EYS: variants seen among roughly 807,000 people sequenced by gnomAD.
The protein encoded by EYS is EGF-like photoreceptor maintenance factor.
EYS carries 250 observed loss-of-function variants against 282.1 expected under a neutral mutation model. The observed-to-expected ratio is 0.89, with a 90% CI of 0.80 to 0.98. The LOEUF is 0.98. EYS is among the 50% of genes least tolerant of loss of function. EYS has a pLI of 0.00. For synonymous variants in EYS, 1,355 were observed against 1,282.9 expected (o/e 1.06, Z -1.20); for missense variants, 4,016 against 3,709.0 (o/e 1.08, Z -2.15).
At chr6:64,437,093 CT>C (rs1774776136) in intron 27 of EYS, among the ~76,000 whole-genome samples, 1 of 141,560 alleles carries the variant, frequency 7.1e-6, no homozygotes, top group African/African-American at 2.5e-5. Context: ...TATATTTTAA[CT>C]TTTTATGATA....
intron 5 of EYS, among the ~76,000 whole-genome samples, chr6:65,475,042 A>T (rs528458250): frequency 1.1e-3 from 173 of 152,290 alleles, no homozygotes; most frequent in Non-Finnish European, 1.5e-3. Flanking sequence ...TATTGATAAA[A>T]GTCAGATTTT....
chr6:64,850,932 A>G (rs1765863425), intron 19 of EYS, among the ~76,000 whole-genome samples: 1 of 152,086 alleles, frequency 6.6e-6, no homozygotes, highest in Non-Finnish European at 1.5e-5. Context: ...GGATATTAGG[A>G]ATTTCTTCAA....
At chr6:65,621,713 A>T (rs1582531529) in intron 2 of EYS, among the ~76,000 whole-genome samples, 1 of 151,778 alleles carries the variant, frequency 6.6e-6, no homozygotes, top group East Asian at 1.9e-4. Flanking sequence ...TTCCATGTTT[A>T]GCACTTCCTT....
chr6:64,670,619 G>C (rs958789043), intron 22 of EYS, among the ~76,000 whole-genome samples: 2 of 151,968 alleles, frequency 1.3e-5, no homozygotes, highest in African/African-American at 4.8e-5. Context: ...GATCTTTTGT[G>C]TCCCCAGCTT....
At chr6:65,274,592 T>A (rs1375948818) in intron 12 of EYS, among the ~76,000 whole-genome samples, 1 of 152,214 alleles carries the variant, frequency 6.6e-6, no homozygotes, top group Non-Finnish European at 1.5e-5. Context: ...CTGTTTTACC[T>A]CAGGGTTATA....
chr6:64,911,485 G>C (rs1767988464), intron 16 of EYS, among the ~76,000 whole-genome samples: 1 of 152,038 alleles, frequency 6.6e-6, no homozygotes, highest in Admixed American at 6.5e-5. Context: ...CAAAACAAAT[G>C]GAAATAGCTT....
chr6:64,545,320 AC>A (rs1227859058), intron 26 of EYS, among the ~76,000 whole-genome samples: 2 of 152,166 alleles, frequency 1.3e-5, no homozygotes, highest in African/African-American at 4.8e-5. Flanking sequence ...AAATTCAACG[AC>A]CCTTCATGCT....
At chr6:65,174,085 C>T (rs1359622534) in intron 12 of EYS, among the ~76,000 whole-genome samples, 2 of 151,124 alleles carry the variant, frequency 1.3e-5, no homozygotes, top group Admixed American at 1.3e-4. Context: ...GAAAAAAATG[C>T]TATAACAGGG....
At chr6:63,794,248 A>T (rs1582213844) in intron 37 of EYS, among the ~76,000 whole-genome samples, 1 of 152,328 alleles carries the variant, frequency 6.6e-6, no homozygotes, top group East Asian at 1.9e-4. Flanking sequence ...TCCTCTTCTC[A>T]GTAACTCTGG....
At chr6:64,616,669 A>G (rs1250343386) in intron 24 of EYS, among the ~76,000 whole-genome samples, 1 of 151,798 alleles carries the variant, frequency 6.6e-6, no homozygotes, top group African/African-American at 2.4e-5. Context: ...TTCCCTTCAC[A>G]CTTGTTCATC....
At chr6:63,907,212 C>A (rs1773799546) in intron 35 of EYS, among the ~76,000 whole-genome samples, 1 of 152,076 alleles carries the variant, frequency 6.6e-6, no homozygotes, top group African/African-American at 2.4e-5. Context: ...AATATTGGGT[C>A]CTCAAACTTA....
intron 26 of EYS, among the ~76,000 whole-genome samples, chr6:64,504,718 G>T (rs1173828342): frequency 6.6e-6 from 1 of 152,194 alleles, no homozygotes; most frequent in African/African-American, 2.4e-5. Flanking sequence ...CTTAGGGACA[G>T]ATATTAGAGC....
intron 12 of EYS, among the ~76,000 whole-genome samples, chr6:65,239,318 A>G (rs1314769114): frequency 6.6e-6 from 1 of 152,124 alleles, no homozygotes; most frequent in Non-Finnish European, 1.5e-5. Context: ...AATAAATTAT[A>G]GACAAGAATC....
chr6:64,712,403 T>G (rs1771243607), intron 22 of EYS, among the ~76,000 whole-genome samples: 1 of 152,104 alleles, frequency 6.6e-6, no homozygotes, highest in Non-Finnish European at 1.5e-5. Flanking sequence ...AGTGTGAAAA[T>G]GATTTGATTG....
At chr6:65,097,437 A>G (rs911375438) in intron 12 of EYS, among the ~76,000 whole-genome samples, 3 of 150,890 alleles carry the variant, frequency 2.0e-5, no homozygotes, top group African/African-American at 7.3e-5. Context: ...ACAGTATGCA[A>G]AATTCCTCTC....
At chr6:64,145,217 A>G (rs994046412) in intron 31 of EYS, among the ~76,000 whole-genome samples, 1 of 152,188 alleles carries the variant, frequency 6.6e-6, no homozygotes, top group African/African-American at 2.4e-5. Flanking sequence ...TTTTAGGATT[A>G]TACATTAAGC....
chr6:65,372,161 G>A (rs1283727118), intron 8 of EYS, among the ~76,000 whole-genome samples: 2 of 151,814 alleles, frequency 1.3e-5, no homozygotes, highest in African/African-American at 2.4e-5. Flanking sequence ...AACATAAACA[G>A]AATCCTTATA....
chr6:64,120,138 G>T (rs1773528288), intron 31 of EYS, among the ~76,000 whole-genome samples: 1 of 151,364 alleles, frequency 6.6e-6, no homozygotes, highest in South Asian at 2.1e-4. Context: ...ACGAGGTCAG[G>T]AGATCGAGAC....
chr6:64,897,426 A>G (rs973285721), intron 18 of EYS, among the ~76,000 whole-genome samples: 1 of 152,136 alleles, frequency 6.6e-6, no homozygotes, highest in African/African-American at 2.4e-5. Context: ...GAAAAGACGA[A>G]CACGTGAAAA....
Sources: allele counts gnomAD v4.1 joint callset (sites outside exome capture counted in the v4.1 genomes callset), GRCh38; gene constraint gnomAD v4.1.1; transcripts MANE v1.5; gene names NCBI Gene and HGNC (gene_info 2026-07-23, HGNC 2026-07-21).